Variants in CTNNA3 observed in about 807,000 individuals in gnomAD.
CTNNA3 encodes catenin alpha 3, also known as catenin alpha-3.
A neutral mutation model predicts 95.7 loss-of-function variants in CTNNA3; 76 were observed. That is an observed-to-expected ratio of 0.79 (90% CI 0.66 to 0.96). The LOEUF (loss-of-function observed/expected upper bound fraction) is 0.96. Among genes scored for constraint, CTNNA3 ranks in the 40% least tolerant of loss-of-function variants. The pLI, the probability that CTNNA3 is intolerant of heterozygous loss-of-function variation, is 0.00. For missense variants in CTNNA3, 1,191 were observed against 1,089.8 expected, an observed-to-expected ratio of 1.09 and a Z score of -1.31; for synonymous variants, 431 against 374.4, an observed-to-expected ratio of 1.15 and a Z score of -1.74.
At chr10:66,209,238 C>A (rs1270441769) in intron 13 of CTNNA3, among the ~76,000 whole-genome samples, 1 of 152,050 alleles carries the variant, frequency 6.6e-6, no homozygotes, top group Non-Finnish European at 1.5e-5. Context: ...TATGTCATGA[C>A]TCTTCTAAGA....
At chr10:66,476,848 T>C (rs1456970463) in intron 11 of CTNNA3, among the ~76,000 whole-genome samples, 1 of 152,064 alleles carries the variant, frequency 6.6e-6, no homozygotes, top group Admixed American at 6.6e-5. Flanking sequence ...CAGATTTTTC[T>C]TTGTGTTATT....
intron 9 of CTNNA3, among the ~76,000 whole-genome samples, chr10:66,705,200 C>G (rs1848077062): frequency 6.6e-6 from 1 of 151,922 alleles, no homozygotes. Context: ...ACCTAGTATT[C>G]TTAGGATAAA....
chr10:66,811,773 G>T (rs1433680158), intron 7 of CTNNA3, among the ~76,000 whole-genome samples: 2 of 152,152 alleles, frequency 1.3e-5, no homozygotes, highest in Admixed American at 6.5e-5. Flanking sequence ...AAGCAAGATA[G>T]AAACTGTCAT....
chr10:67,609,777 A>G (rs1157478083), intron 2 of CTNNA3, among the ~76,000 whole-genome samples: 1 of 152,246 alleles, frequency 6.6e-6, no homozygotes, highest in East Asian at 1.9e-4. Flanking sequence ...AAAATTGGTT[A>G]TAGGAATCTT....
At chr10:66,024,386 A>G (rs1426162219) in intron 15 of CTNNA3, among the ~76,000 whole-genome samples, 1 of 152,066 alleles carries the variant, frequency 6.6e-6, no homozygotes, top group African/African-American at 2.4e-5. Context: ...ACCACGCCCG[A>G]CCCCATGCAA....
intron 2 of CTNNA3, among the ~76,000 whole-genome samples, chr10:67,641,609 A>G (rs922528482): frequency 1.3e-5 from 2 of 152,202 alleles, no homozygotes; most frequent in African/African-American, 4.8e-5. Flanking sequence ...AACCAACCCA[A>G]ATGTCCAACA....
intron 7 of CTNNA3, among the ~76,000 whole-genome samples, chr10:67,140,876 A>G (rs560148832): frequency 2.0e-5 from 3 of 152,330 alleles, no homozygotes; most frequent in Non-Finnish European, 2.9e-5. Flanking sequence ...TTCTTACAAG[A>G]CAGCATTGCT....
At chr10:67,475,099 A>C (rs987201201) in intron 5 of CTNNA3, among the ~76,000 whole-genome samples, 4 of 152,234 alleles carry the variant, frequency 2.6e-5, no homozygotes, top group African/African-American at 9.6e-5. Context: ...CATAAAAATA[A>C]ATAAACTACT....
chr10:67,629,168 A>C (rs1839056351), intron 2 of CTNNA3, among the ~76,000 whole-genome samples: 1 of 152,124 alleles, frequency 6.6e-6, no homozygotes, highest in Non-Finnish European at 1.5e-5. Flanking sequence ...TAAAAAAAAA[A>C]CAACAACTTT....
intron 12 of CTNNA3, among the ~76,000 whole-genome samples, chr10:66,321,572 T>C (rs946546440): frequency 6.6e-6 from 1 of 152,100 alleles, no homozygotes; most frequent in African/African-American, 2.4e-5. Context: ...TTACTAAATA[T>C]AATTAGTTGC....
intron 13 of CTNNA3, among the ~76,000 whole-genome samples, chr10:66,140,940 T>C (rs2083583356): frequency 6.6e-6 from 1 of 152,120 alleles, no homozygotes; most frequent in Non-Finnish European, 1.5e-5. Flanking sequence ...TTAAGAAACA[T>C]CATAATCTAA....
At chr10:66,997,586 A>G (rs753515918) in intron 7 of CTNNA3, among the ~76,000 whole-genome samples, 3 of 152,164 alleles carry the variant, frequency 2.0e-5, no homozygotes, top group Non-Finnish European at 4.4e-5. Context: ...AAATACTCCT[A>G]TACACTGTTT....
chr10:66,958,293 C>T (rs1848928918), intron 7 of CTNNA3, among the ~76,000 whole-genome samples: 4 of 140,142 alleles, frequency 2.9e-5, no homozygotes, highest in Non-Finnish European at 6.1e-5. Context: ...TTTTTTTCCT[C>T]CACCTGCTTT....
intron 7 of CTNNA3, among the ~76,000 whole-genome samples, chr10:67,178,353 C>G (rs1025566638): frequency 6.6e-6 from 1 of 151,748 alleles, no homozygotes; most frequent in Admixed American, 6.6e-5. Flanking sequence ...GACATATAGT[C>G]ACTTTATAAG....
intron 6 of CTNNA3, among the ~76,000 whole-genome samples, chr10:67,205,050 G>T (rs2394349): frequency 0.064 from 9,740 of 152,220 alleles, 470 homozygotes; most frequent in African/African-American, 0.13. Flanking sequence ...CACCTTAGCA[G>T]AATTCAGGAT....
intron 1 of CTNNA3, among the ~76,000 whole-genome samples, chr10:67,711,804 A>G (rs1841111701): frequency 7.1e-6 from 1 of 140,338 alleles, no homozygotes; most frequent in African/African-American, 2.7e-5. Flanking sequence ...TCGTTGTTCA[A>G]TTCCCACCTA....
At chr10:66,897,689 T>C (rs771714753) in intron 7 of CTNNA3, among the ~76,000 whole-genome samples, 20 of 152,224 alleles carry the variant, frequency 1.3e-4, no homozygotes, top group Admixed American at 2.0e-4. Flanking sequence ...TTGTTGCATA[T>C]ATAGAATCAT....
chr10:67,715,237 A>C (rs1841135818), intron 1 of CTNNA3, among the ~76,000 whole-genome samples: 1 of 152,254 alleles, frequency 6.6e-6, no homozygotes, highest in South Asian at 2.1e-4. Flanking sequence ...CATAGTTTTC[A>C]ATAAATGGTA....
chr10:66,847,216 T>C (rs1341814319), intron 7 of CTNNA3, among the ~76,000 whole-genome samples: 1 of 152,228 alleles, frequency 6.6e-6, no homozygotes, highest in Admixed American at 6.5e-5. Context: ...TTTCTTTTTA[T>C]ATGACTCTAT....
Sources: gnomAD v4.1 joint callset for allele counts (sites outside exome capture counted in the v4.1 genomes callset) on GRCh38, gnomAD v4.1.1 for gene constraint, MANE v1.5 for transcripts, NCBI Gene and HGNC (gene_info 2026-07-23, HGNC 2026-07-21) for gene names.